Variants in NFIB observed in about 807,000 individuals in gnomAD.
NFIB encodes the protein nuclear factor 1 B-type.
NFIB carries 11 observed loss-of-function variants against 61.5 expected under a neutral mutation model. The ratio of observed to expected loss-of-function variants is 0.18; its 90% CI spans 0.11 to 0.30. NFIB has a LOEUF of 0.30. Ranked by LOEUF, NFIB falls within the 10% of genes least tolerant of loss-of-function variation. The probability of loss-of-function intolerance (pLI) is 1.00; values close to 1 mark genes in which losing one functional copy is unlikely to be tolerated. For synonymous variants in NFIB, 260 were observed against 216.5 expected, an observed-to-expected ratio of 1.20 and a Z score of -1.76; for missense variants, 471 against 608.9, an observed-to-expected ratio of 0.77 and a Z score of 2.38.
chr9:14,378,896 G>C (rs1434546320), intron 1 of NFIB, among the ~76,000 whole-genome samples: 1 of 152,118 alleles, frequency 6.6e-6, no homozygotes, highest in East Asian at 1.9e-4. Flanking sequence ...CTTCTGATTT[G>C]ATTTGACCTT....
At chr9:14,483,601 G>C in the NFIB span, among the ~76,000 whole-genome samples, 1 of 152,124 alleles carries the variant, frequency 6.6e-6, no homozygotes, top group Non-Finnish European at 1.5e-5. Context: ...GTAAATGTGA[G>C]TTTGACGAGA....
chr9:14,455,288 C>T, the NFIB span, among the ~76,000 whole-genome samples: 1 of 152,192 alleles, frequency 6.6e-6, no homozygotes, highest in Non-Finnish European at 1.5e-5. Flanking sequence ...TAATTATCTG[C>T]TTTTGAAACC....
intron 6 of NFIB, among the ~76,000 whole-genome samples, chr9:14,138,587 C>G (rs562780833): frequency 6.6e-6 from 1 of 151,790 alleles, no homozygotes; most frequent in Non-Finnish European, 1.5e-5. Flanking sequence ...ATATTCAGAT[C>G]TATTTACATG....
intron 3 of NFIB, among the ~76,000 whole-genome samples, chr9:14,169,237 A>T (rs1010752385): frequency 4.6e-5 from 7 of 152,272 alleles, no homozygotes; most frequent in African/African-American, 1.7e-4. Context: ...GATTTTAATA[A>T]GATCAAATCT....
At chr9:14,421,099 T>A in the NFIB span, among the ~76,000 whole-genome samples, 15 of 120,600 alleles carry the variant, frequency 1.2e-4, no homozygotes, top group Non-Finnish European at 1.7e-4. Context: ...AAAAAAAAAA[T>A]AAGGCATGTA....
At chr9:14,369,976 A>G (rs987630014) in intron 1 of NFIB, among the ~76,000 whole-genome samples, 1 of 152,142 alleles carries the variant, frequency 6.6e-6, no homozygotes, top group African/African-American at 2.4e-5. Flanking sequence ...GTTATGTCCT[A>G]CTGTGTATGA....
chr9:14,494,038 G>A, the NFIB span, among the ~76,000 whole-genome samples: 1 of 152,180 alleles, frequency 6.6e-6, no homozygotes, highest in African/African-American at 2.4e-5. Context: ...TTCAGAGTTT[G>A]GCTGATACAT....
At chr9:14,308,618 C>T (rs537095629) in intron 1 of NFIB, among the ~76,000 whole-genome samples, 9 of 152,274 alleles carry the variant, frequency 5.9e-5, no homozygotes, top group Non-Finnish European at 1.3e-4. Context: ...CACTGCTGGT[C>T]AGTTACTGCT....
Position 14,085,067 on chromosome 9 carries a change from G to T in NFIB, c.*3242C>A, listed in dbSNP as rs2032635550. 4.4e-6 allele frequency: 1 copy of T among 228,504 alleles called. No individual in the cohort carries two copies. The highest frequency in any genetic ancestry group is 1.8e-4 in the South Asian group (1 of 5,492). 14.2% of individuals were successfully genotyped at this position (228,504 alleles called of 1,614,324 possible). ...GATACATGAAGAGCTTGGCTGAGAT[G>T]ATCTGTTTGCTACCAGGGCGAGTAT... On this transcript the variant is annotated 3_prime_UTR_variant, in exon 11 of 11. Coordinates refer to ENST00000380953, the MANE Select transcript of NFIB (RefSeq NM_001190737.2).
the NFIB span, among the ~76,000 whole-genome samples, chr9:14,520,279 G>A: frequency 1.3e-5 from 2 of 152,064 alleles, no homozygotes; most frequent in African/African-American, 4.8e-5. Context: ...TTTTTTCCCT[G>A]AAACTTTCCA....
the NFIB span, among the ~76,000 whole-genome samples, chr9:14,525,566 C>A: frequency 6.6e-6 from 1 of 151,962 alleles, no homozygotes; most frequent in Non-Finnish European, 1.5e-5. Flanking sequence ...GGAGGCCCTC[C>A]GTAGTCATTG....
chr9:14,473,523 T>C, the NFIB span, among the ~76,000 whole-genome samples: 42 of 152,286 alleles, frequency 2.8e-4, no homozygotes, highest in African/African-American at 9.9e-4. Flanking sequence ...GAATGGACAT[T>C]TCATCACTCA....
intron 3 of NFIB, among the ~76,000 whole-genome samples, chr9:14,161,695 C>G (rs767948624): frequency 4.6e-5 from 7 of 152,078 alleles, no homozygotes; most frequent in Non-Finnish European, 1.0e-4. Flanking sequence ...AGGTTATTTC[C>G]CAATTTTTAA....
the NFIB span, among the ~76,000 whole-genome samples, chr9:14,505,811 G>A: frequency 2.0e-5 from 3 of 152,046 alleles, no homozygotes; most frequent in Admixed American, 6.5e-5. Flanking sequence ...AGGGCTTGGC[G>A]CTTGACTCTC....
intron 2 of NFIB, among the ~76,000 whole-genome samples, chr9:14,234,119 T>C (rs994202998): frequency 3.3e-5 from 5 of 152,154 alleles, no homozygotes; most frequent in African/African-American, 7.2e-5. Context: ...CTGTGACTTA[T>C]TGAACAGTCA....
chr9:14,515,724 A>C, the NFIB span, among the ~76,000 whole-genome samples: 2 of 152,206 alleles, frequency 1.3e-5, no homozygotes, highest in African/African-American at 2.4e-5. Context: ...CCTCGGGGCC[A>C]TGCGAAAATG....
At chr9:14,146,175 T>C (rs1251802658) in intron 6 of NFIB, among the ~76,000 whole-genome samples, 1 of 152,160 alleles carries the variant, frequency 6.6e-6, no homozygotes, top group Non-Finnish European at 1.5e-5. Flanking sequence ...CACAGTTTTA[T>C]CTAGAAAGCA....
At chr9:14,377,743 C>A (rs1452762194) in intron 1 of NFIB, among the ~76,000 whole-genome samples, 2 of 152,194 alleles carry the variant, frequency 1.3e-5, no homozygotes. Flanking sequence ...TAATAGCTAG[C>A]TGTGCCCAGG....
Position 14,226,940 on chromosome 9 carries a change from G to T in NFIB, c.563-47160C>A, listed in dbSNP as rs560434869. Among the ~76,000 whole-genome samples, 12 of 151,916 alleles carry T rather than the reference G, an allele frequency of 7.9e-5. No homozygotes were observed. The East Asian group carries it at 2.0e-3, about 25-fold the overall frequency. On this transcript the variant is annotated intron_variant, in intron 2 of 10. Transcript: ENST00000380953. ...GGATCACCTGAGGTCAGGAGTTCGT[G>T]ACCAGCCTGACTAAGATGGTGAAAC... is the stretch of plus-strand genomic sequence containing the variant.
Sources: gnomAD v4.1 joint callset for allele counts (sites outside exome capture counted in the v4.1 genomes callset) on GRCh38, gnomAD v4.1.1 for gene constraint, MANE v1.5 for transcripts, NCBI Gene and HGNC (gene_info 2026-07-23, HGNC 2026-07-21) for gene names.